ALG14: variants seen among roughly 807,000 people sequenced by gnomAD.
ALG14 encodes ALG14 UDP-N-acetylglucosaminyltransferase subunit, also known as UDP-N-acetylglucosamine transferase subunit ALG14.
In ALG14, 17 loss-of-function variants were observed where a neutral mutation model predicts 22.8. The ratio of observed to expected loss-of-function variants is 0.75; its 90% confidence interval spans 0.51 to 1.12. ALG14 has a LOEUF of 1.12. Ranked by LOEUF, ALG14 falls within the 50% of genes most tolerant of loss-of-function variation. The probability of loss-of-function intolerance (pLI) is 0.00; values close to 1 mark genes in which losing one functional copy is unlikely to be tolerated. For missense variants in ALG14, 288 were observed against 271.8 expected (o/e 1.06, Z -0.42); for synonymous variants, 89 against 103.7 (o/e 0.86, Z 0.86).
chr1:95,071,573 CTT>C (rs1675567714), intron 1 of ALG14, among the ~76,000 whole-genome samples: 1 of 152,090 alleles, frequency 6.6e-6, no homozygotes, highest in Non-Finnish European at 1.5e-5. Context: ...TTTAAATACT[CTT>C]TACAATCTGG....
chr1:95,023,484 G>GA (rs1215131650), intron 3 of ALG14, among the ~76,000 whole-genome samples: 1 of 151,912 alleles, frequency 6.6e-6, no homozygotes, highest in African/African-American at 2.4e-5. Context: ...ATGAAACATG[G>GA]AAAAAAATGA....
At chr1:94,983,789 T>C (rs1235953577) in intron 3 of ALG14, among the ~76,000 whole-genome samples, 2 of 152,094 alleles carry the variant, frequency 1.3e-5, no homozygotes, top group Non-Finnish European at 2.9e-5. Context: ...TTGTCCAGGC[T>C]GGAGTGCAGT....
At chr1:95,041,169 T>A (rs527315253) in intron 2 of ALG14, among the ~76,000 whole-genome samples, 1 of 152,338 alleles carries the variant, frequency 6.6e-6, no homozygotes, top group East Asian at 1.9e-4. Context: ...ATTTTGCTCA[T>A]TTAGACCGGC....
rs955499204 is a variant in ALG14 at position 94,978,896 on chromosome 1, C to T, written c.*4180G>A. 3 of 149,450 alleles carry T rather than the reference C, an allele frequency of 2.0e-5. No homozygotes were observed. The highest frequency in any genetic ancestry group is 3.0e-5 in the Non-Finnish European group (2 of 67,732). The allele number at this position is 149,450 out of a possible 1,614,324, so 9.3% of individuals were successfully genotyped here. A position where few individuals can be genotyped will look rare whatever the true frequency, so the allele number is the denominator to read the frequency against. On this transcript the variant is annotated 3_prime_UTR_variant, in exon 4 of 4. Coordinates refer to ENST00000370205, the MANE Select transcript of ALG14 (RefSeq NM_144988.4). ...GCTATTAAGGTAAGCCTGGCTGGAG[C>T]TAGAATGCCTTGGTTCAAATCTGAG...
At position 94,980,098 on chromosome 1, in the gene ALG14, T is replaced by G. The variant is rs1672469487; in HGVS notation, c.*2978A>C. On this transcript the variant is annotated 3_prime_UTR_variant, in exon 4 of 4. Coordinates refer to ENST00000370205, the MANE Select transcript of ALG14 (RefSeq NM_144988.4). ...CACTCATTCAACCCAAGGAACTGTA[T>G]AGTAAAGGGGTACGTTTCTCAATTT... The G allele has an allele frequency of 6.6e-6, 1 of 151,840 alleles. No homozygotes were observed. The highest frequency in any genetic ancestry group is 2.4e-5 in the African/African-American group (1 of 41,310). The allele number at this position is 151,840 out of a possible 1,614,324, so 9.4% of individuals were successfully genotyped here.
intron 3 of ALG14, among the ~76,000 whole-genome samples, chr1:95,014,979 G>C (rs1358155019): frequency 6.6e-6 from 1 of 152,208 alleles, no homozygotes. Context: ...GCAATCTGAA[G>C]AGAGCGCTAT....
intron 3 of ALG14, among the ~76,000 whole-genome samples, chr1:95,003,930 C>T (rs1360874283): frequency 6.6e-6 from 1 of 152,098 alleles, no homozygotes; most frequent in Non-Finnish European, 1.5e-5. Context: ...ATCAGCAGTC[C>T]TTTCATTCAA....
In ALG14 at chr1:95,064,918, T is replaced by C. The variant is rs1675302227; in HGVS notation, c.236A>G (p.Asn79Ser). 2.5e-6 allele frequency: 4 copies of C among 1,614,022 alleles called. No individual in the cohort carries two copies. The highest frequency in any genetic ancestry group is 2.7e-5 in the African/African-American group (2 of 75,044). Reference sequence around the variant, plus strand: ...ATCTAGTTCAAAAGAATTTATTTTATTGGCACTCATTTCATCAGTGTCAGC... The same window carrying C: ...ATCTAGTTCAAAAGAATTTATTTTACTGGCACTCATTTCATCAGTGTCAGC... ...VIADTDEMSANKINSFELDRA... is the reference protein window; with the variant it reads ...VIADTDEMSASKINSFELDRA... Residue 79 changes from asparagine to serine, a missense_variant, in exon 2 of 4, where the codon AAT becomes AGT. Physicochemically the swap from Asn to Ser is conservative, Grantham distance 46. Transcript: ENST00000370205.
intron 3 of ALG14, among the ~76,000 whole-genome samples, chr1:94,997,725 A>T (rs1672945338): frequency 6.6e-6 from 1 of 152,226 alleles, no homozygotes. Context: ...AGATCTGCAA[A>T]GAACTTAGAT....
chr1:94,995,462 C>T (rs1672885677), intron 3 of ALG14, among the ~76,000 whole-genome samples: 1 of 152,198 alleles, frequency 6.6e-6, no homozygotes, highest in African/African-American at 2.4e-5. Flanking sequence ...CCTGTAATCC[C>T]AGCACTTCGG....
intron 3 of ALG14, among the ~76,000 whole-genome samples, chr1:94,986,861 T>G (rs574648264): frequency 6.6e-6 from 1 of 151,954 alleles, no homozygotes; most frequent in African/African-American, 2.4e-5. Context: ...TAAGTGCTTG[T>G]GTAGACCTGA....
At chr1:95,022,512 G>A (rs1673693522) in intron 3 of ALG14, 1 of 278,178 alleles carries the variant, frequency 3.6e-6, no homozygotes, top group Admixed American at 6.5e-5. Context: ...TATCTTTAAG[G>A]AGGCTGCCAA....
In ALG14 at chr1:94,978,959, A is replaced by G. The variant is rs532581313; in HGVS notation, c.*4117T>C. 3.3e-5 allele frequency: 5 copies of G among 152,072 alleles called. No homozygotes were observed. Among genetic ancestry groups the G allele is most frequent in the African/African-American group, 1.2e-4 (5 of 41,478 alleles). 9.4% of individuals were successfully genotyped at this position (152,072 alleles called of 1,614,324 possible). On this transcript the variant is annotated 3_prime_UTR_variant, in exon 4 of 4. Coordinates refer to ENST00000370205, the MANE Select transcript of ALG14 (RefSeq NM_144988.4). ...CTAGTTCTATAATCTTTAATAAATTACTTAACCTCTCTGTGGTGTAAATAT... is the reference window on the plus strand; with the variant it reads ...CTAGTTCTATAATCTTTAATAAATTGCTTAACCTCTCTGTGGTGTAAATAT...
chr1:94,987,406 T>C (rs1672672434), intron 3 of ALG14, among the ~76,000 whole-genome samples: 1 of 152,192 alleles, frequency 6.6e-6, no homozygotes, highest in Admixed American at 6.5e-5. Flanking sequence ...ATGTGTCTGT[T>C]GGATGATTAA....
chr1:95,060,499 G>A (rs1176591690), intron 2 of ALG14, among the ~76,000 whole-genome samples: 1 of 151,748 alleles, frequency 6.6e-6, no homozygotes, highest in Non-Finnish European at 1.5e-5. Flanking sequence ...GGCAGATCAC[G>A]AGGTCAGGAG....
chr1:95,064,047 T>G (rs1351735396), intron 2 of ALG14, among the ~76,000 whole-genome samples: 2 of 152,216 alleles, frequency 1.3e-5, no homozygotes, highest in Non-Finnish European at 2.9e-5. Context: ...GCAGTGATTG[T>G]GAATGGGAGT....
intron 3 of ALG14, among the ~76,000 whole-genome samples, chr1:94,998,660 T>C (rs1461259224): frequency 2.0e-5 from 3 of 152,206 alleles, no homozygotes; most frequent in Non-Finnish European, 4.4e-5. Flanking sequence ...TCTCAGGCTG[T>C]CTGGGTTTGA....
chr1:95,005,474 G>T (rs1193695218), intron 3 of ALG14, among the ~76,000 whole-genome samples: 1 of 147,418 alleles, frequency 6.8e-6, no homozygotes, highest in African/African-American at 2.7e-5. Context: ...TGCTGGATTT[G>T]TATAATGTTA....
At chr1:95,016,261 C>A (rs896641367) in intron 3 of ALG14, among the ~76,000 whole-genome samples, 1 of 152,046 alleles carries the variant, frequency 6.6e-6, no homozygotes, top group African/African-American at 2.4e-5. Flanking sequence ...CTGGGAGTGA[C>A]AAGAACTGTT....
Sources: allele counts gnomAD v4.1 joint callset (sites outside exome capture counted in the v4.1 genomes callset), GRCh38; gene constraint gnomAD v4.1.1; transcripts MANE v1.5; gene names NCBI Gene and HGNC (gene_info 2026-07-23, HGNC 2026-07-21).